F2: variants seen among roughly 807,000 people sequenced by gnomAD.
F2 encodes coagulation factor II, thrombin, also known as prothrombin.
F2 carries 34 observed loss-of-function variants against 81.9 expected under a neutral mutation model. The ratio of observed to expected loss-of-function variants is 0.42; its 90% confidence interval spans 0.32 to 0.55. The LOEUF is 0.55. F2 is among the 20% of genes least tolerant of loss of function. The pLI is 0.18. For synonymous variants in F2, 296 were observed against 326.4 expected (o/e 0.91, Z 1.01); for missense variants, 630 against 833.4 (o/e 0.76, Z 3.00).
Position 46,728,178 on chromosome 11 carries a change from GC to G in F2, c.1298+18del. On this transcript the variant is annotated intron_variant, in intron 10 of 13. Coordinates refer to ENST00000311907, the MANE Select transcript of F2 (RefSeq NM_000506.5). The surrounding 1 kb of genome is among the most constrained non-coding windows in gnomAD (Gnocchi z 5.1). The stretch of plus-strand genomic sequence containing the variant: ...TCCCGCACCAGGTACAGAACTGGTG[GC>G]CCGTGGGTGTCTGGCAGGGGTCTGA... 6.2e-7 allele frequency: 1 copy of G among 1,602,358 alleles called. No individual in the cohort carries two copies. The highest frequency in any genetic ancestry group is 1.1e-5 in the South Asian group (1 of 88,404).
chr11:46,732,641 C>T (rs904745873), intron 12 of F2, among the ~76,000 whole-genome samples: 3 of 152,062 alleles, frequency 2.0e-5, no homozygotes, highest in Admixed American at 2.0e-4. Context: ...TCAGGTGATC[C>T]GCCCGCCTCA....
chr11:46,738,771 C>T (rs764156322), intron 12 of F2, among the ~76,000 whole-genome samples: 2 of 152,160 alleles, frequency 1.3e-5, no homozygotes, highest in Non-Finnish European at 2.9e-5. Flanking sequence ...CATTATTCTG[C>T]CTGTTGGGTG....
intron 6 of F2, among the ~76,000 whole-genome samples, chr11:46,725,225 C>A (rs991598807): frequency 6.6e-6 from 1 of 151,600 alleles, no homozygotes. Flanking sequence ...CACGCCACCA[C>A]GCCTGGCTAA....
At chr11:46,729,694 A>G in intron 12 of F2, 133 bp downstream of exon 12, 1 of 963,744 alleles carries the variant, frequency 1.0e-6, no homozygotes, top group Non-Finnish European at 1.5e-6. Flanking sequence ...TCCTCTGTAA[A>G]ATGGAGGTAA....
chr11:46,729,197 C>T (rs1270602379), intron 11 of F2, among the ~76,000 whole-genome samples, 183 bp from the exon 12 acceptor site: 1 of 152,062 alleles, frequency 6.6e-6, no homozygotes, highest in African/African-American at 2.4e-5. Flanking sequence ...CCAGGTTGGT[C>T]TCGAACCCCT....
chr11:46,726,475 A>G lies in F2; in HGVS notation c.875-23A>G. 6.2e-7 allele frequency: 1 copy of G among 1,610,514 alleles called. No individual in the cohort carries two copies. The highest frequency in any genetic ancestry group is 8.5e-7 in the Non-Finnish European group (1 of 1,178,098). On this transcript the variant is annotated intron_variant, in intron 7 of 13. Coordinates refer to ENST00000311907, the MANE Select transcript of F2 (RefSeq NM_000506.5). This position sits in a 1 kb window ranked among gnomAD's most constrained non-coding sequence, Gnocchi z 5.9. The stretch of plus-strand genomic sequence containing the variant: ...GTGAGGAATGGCCCAGCCCAGTCCC[A>G]GCCGGTGCCTGGGTCCCAACAGAGG...
chr11:46,737,795 T>A (rs1435065660), intron 12 of F2, among the ~76,000 whole-genome samples: 3 of 152,030 alleles, frequency 2.0e-5, no homozygotes, highest in African/African-American at 7.2e-5. Context: ...CTTAAAAAGT[T>A]TGCTTACGTT....
chr11:46,723,798 G>T lies in F2; in HGVS notation c.559+280G>T, dbSNP rs1038531291. Among the ~76,000 whole-genome samples, 1 of 152,168 alleles carries T rather than the reference G, an allele frequency of 6.6e-6. No individual in the cohort carries two copies. The highest frequency in any genetic ancestry group is 2.4e-5 in the African/African-American group (1 of 41,434). On this transcript the variant is annotated intron_variant, in intron 6 of 13. Transcript: ENST00000311907. The surrounding 1 kb of genome is among the most constrained non-coding windows in gnomAD (Gnocchi z 5.6). ...CCAACTACTCTGGAGGCTGAGGCAC[G>T]AGAATCGCTTGAACCCGGGAGGCGG...
intron 12 of F2, among the ~76,000 whole-genome samples, chr11:46,738,203 G>A (rs1039818499): frequency 5.3e-5 from 8 of 152,024 alleles, no homozygotes; most frequent in Admixed American, 2.6e-4. Flanking sequence ...GTTTCACCAC[G>A]TTGGCCAGGC....
chr11:46,739,213 C>G, intron 13 of F2, 52 bp from the exon 14 acceptor site: 2 of 1,613,770 alleles, frequency 1.2e-6, no homozygotes, highest in South Asian at 2.2e-5. Flanking sequence ...CAGGGGAATA[C>G]TGATGTGACC....
chr11:46,723,614 G>A lies in F2; in HGVS notation c.559+96G>A. 6.9e-7 allele frequency: 1 copy of A among 1,450,116 alleles called. No homozygotes were observed. Among genetic ancestry groups the A allele is most frequent in the Non-Finnish European group, 9.4e-7 (1 of 1,064,222 alleles). The allele number at this position is 1,450,116 out of a possible 1,614,324, so 89.8% of individuals were successfully genotyped here. On this transcript the variant is annotated intron_variant, in intron 6 of 13. Coordinates refer to ENST00000311907, the MANE Select transcript of F2 (RefSeq NM_000506.5). The surrounding 1 kb of genome is among the most constrained non-coding windows in gnomAD (Gnocchi z 5.6). ...GGGAACCAAGAATACTGGCTACCCA[G>A]GCACAGTGGCTCATGCCCGTAATCC...
chr11:46,722,019 T>A (rs1473556913), intron 4 of F2, among the ~76,000 whole-genome samples: 1 of 151,890 alleles, frequency 6.6e-6, no homozygotes, highest in African/African-American at 2.4e-5. Context: ...ATTTTTTGTA[T>A]TTTTTAGTAG....
chr11:46,724,015 T>A (rs1364737566), intron 6 of F2, among the ~76,000 whole-genome samples: 2 of 152,106 alleles, frequency 1.3e-5, no homozygotes, highest in Non-Finnish European at 2.9e-5. Context: ...GCCAGCCTCC[T>A]CCTCCCCCTC....
At chr11:46,732,400 T>C (rs188399862) in intron 12 of F2, among the ~76,000 whole-genome samples, 50 of 152,062 alleles carry the variant, frequency 3.3e-4, no homozygotes, top group Admixed American at 5.9e-4. Flanking sequence ...CCTTTTTTTT[T>C]CTTTTTTTTT....
At position 46,729,535 on chromosome 11, in the gene F2, G is replaced by C; in HGVS notation, c.1628G>C (p.Arg543Pro). The change falls in exon 12 of 14, where the codon CGC becomes CCC. Residue 543 changes from arginine to proline, a missense_variant. Coordinates refer to ENST00000311907, the MANE Select transcript of F2 (RefSeq NM_000506.5). ...GTCTGCAAGGACTCCACCCGGATCC[G>C]CATCACTGACAACATGTTCTGTGCT... ...RPVCKDSTRIRITDNMFCAGY... is the reference protein window; with the variant it reads ...RPVCKDSTRIPITDNMFCAGY... 6.2e-7 allele frequency: 1 copy of C among 1,613,614 alleles called. No homozygotes were observed. The highest frequency in any genetic ancestry group is 8.5e-7 in the Non-Finnish European group (1 of 1,179,640).
At chr11:46,727,531 A>C (rs559717794) in intron 9 of F2, among the ~76,000 whole-genome samples, 1 of 152,178 alleles carries the variant, frequency 6.6e-6, no homozygotes, top group South Asian at 2.1e-4. Context: ...TAATCCCAGC[A>C]CTTTGGGAGG....
In F2 at chr11:46,726,351, G is replaced by A; in HGVS notation, c.875-147G>A. 1 of 1,466,502 alleles carries A rather than the reference G, an allele frequency of 6.8e-7. No individual in the cohort carries two copies. The allele number at this position is 1,466,502 out of a possible 1,614,324, so 90.8% of individuals were successfully genotyped here. A position where few individuals can be genotyped will look rare whatever the true frequency, so the allele number is the denominator to read the frequency against. On this transcript the variant is annotated intron_variant, in intron 7 of 13. Coordinates refer to ENST00000311907, the MANE Select transcript of F2 (RefSeq NM_000506.5). The surrounding 1 kb of genome is among the most constrained non-coding windows in gnomAD (Gnocchi z 5.9). ...ACAGATAAGTACACTGAGGCCCCAGGAGGTTATTGCCTAGTAGCCCAACTG... is the reference window on the plus strand; with the variant it reads ...ACAGATAAGTACACTGAGGCCCCAGAAGGTTATTGCCTAGTAGCCCAACTG...
chr11:46,736,130 G>C (rs1273238463), intron 12 of F2, among the ~76,000 whole-genome samples: 2 of 152,146 alleles, frequency 1.3e-5, no homozygotes, highest in Non-Finnish European at 2.9e-5. Context: ...TTGAACCTGG[G>C]AGGAGGAGGT....
chr11:46,726,745 G>T lies in F2; in HGVS notation c.1038G>T (p.Ser346=), dbSNP rs766163103. The change falls in exon 9 of 14, where the codon TCG becomes TCT. Residue 346 remains serine (S), a synonymous_variant. Transcript: ENST00000311907. The surrounding 1 kb of genome is among the most constrained non-coding windows in gnomAD (Gnocchi z 5.9). ...TGCGACCTCTGTTCGAGAAGAAGTC[G>T]CTGGAGGACAAAACCGAAAGAGAGC... The part of the protein sequence containing the change: ...CGLRPLFEKK[S]LEDKTERELL... The T allele has an allele frequency of 6.2e-7, 1 of 1,614,220 alleles. No homozygotes were observed. Among genetic ancestry groups the T allele is most frequent in the Admixed American group, 1.7e-5 (1 of 60,016 alleles).
Sources: allele counts gnomAD v4.1 joint callset (sites outside exome capture counted in the v4.1 genomes callset), GRCh38; gene constraint gnomAD v4.1.1; non-coding constraint Gnocchi (gnomAD v3.1); transcripts MANE v1.5; gene names NCBI Gene and HGNC (gene_info 2026-07-23, HGNC 2026-07-21).